Variants in UMAD1 observed in about 807,000 individuals in gnomAD.
UMAD1 encodes UBAP1-MVB12-associated (UMA) domain containing 1.
In UMAD1, 8 loss-of-function variants were observed where a neutral mutation model predicts 6.1. The ratio of observed to expected loss-of-function variants is 1.30; its 90% CI spans 0.76 to 2.35. The LOEUF is 2.35. UMAD1 is among the 30% of genes most tolerant of loss of function. UMAD1 has a pLI of 0.00. For missense variants in UMAD1, 130 were observed against 78.4 expected, an observed-to-expected ratio of 1.66 and a Z score of -2.49; for synonymous variants, 56 against 31.4, an observed-to-expected ratio of 1.78 and a Z score of -2.61.
rs59221325 is a variant in UMAD1 at position 7,796,244 on chromosome 7, C to CTTTTTTTTTTTTTTTTT, written c.83-5418_83-5402dup. 1.6e-3 allele frequency among the ~76,000 whole-genome samples: 100 copies of CTTTTTTTTTTTTTTTTT among 63,952 alleles called. 8 individuals are homozygous for CTTTTTTTTTTTTTTTTT. The highest frequency in any genetic ancestry group is 4.6e-3 in the African/African-American group (47 of 10,240). 42.0% of individuals were successfully genotyped at this position (63,952 alleles called of 152,430 possible). A position where few individuals can be genotyped will look rare whatever the true frequency, so the allele number is the denominator to read the frequency against. On this transcript the variant is annotated intron_variant, in intron 2 of 3. Coordinates refer to ENST00000682710, the MANE Select transcript of UMAD1 (RefSeq NM_001302348.2). ...ACTTTGACCCATTTCTATTTTCTTTCTTTTTTTTTTTTTTTTTTTTTTTTG... is the reference window on the plus strand; with the variant it reads ...ACTTTGACCCATTTCTATTTTCTTTCTTTTTTTTTTTTTTTTTTTTTTTTTTTTTTTTTTTTTTTTTG...
intron 3 of UMAD1, among the ~76,000 whole-genome samples, chr7:7,847,500 C>T (rs28614087): frequency 1.3e-5 from 2 of 151,448 alleles, no homozygotes; most frequent in African/African-American, 4.9e-5. Flanking sequence ...TTGAAACCTC[C>T]CCTCCCCAGT....
chr7:7,740,433 A>G (rs181749407), intron 2 of UMAD1, among the ~76,000 whole-genome samples: 2 of 152,364 alleles, frequency 1.3e-5, no homozygotes, highest in Non-Finnish European at 2.9e-5. Flanking sequence ...AAACTGTTAT[A>G]ATTTTAGCTT....
chr7:7,835,284 C>A lies in UMAD1; in HGVS notation c.156+33541C>A, dbSNP rs575067227. Among the ~76,000 whole-genome samples the A allele has an allele frequency of 4.0e-5, 6 of 151,370 alleles. No homozygotes were observed. The South Asian group carries it at 1.2e-3, about 32-fold the overall frequency. On this transcript the variant is annotated intron_variant, in intron 3 of 3. Transcript: ENST00000682710. ...GAAGCAAGATTTGTGACTTAAATTC[C>A]ATTATAGGTTTTATCTTTTATCAAC...
intron 3 of UMAD1, among the ~76,000 whole-genome samples, chr7:7,806,267 T>C (rs6950803): frequency 0.46 from 69,888 of 151,204 alleles, 16,792 homozygotes; most frequent in African/African-American, 0.6. Flanking sequence ...ACTTCCCCCC[T>C]CTAAAATCCC....
chr7:7,820,870 A>G lies in UMAD1; in HGVS notation c.156+19127A>G, dbSNP rs527584196. On this transcript the variant is annotated intron_variant, in intron 3 of 3. Coordinates refer to ENST00000682710, the MANE Select transcript of UMAD1 (RefSeq NM_001302348.2). ...TATTTAGCAAATAGTAAAGATGTGA[A>G]TATTTCACTGAATGTTGGGTGATTT... is the stretch of plus-strand genomic sequence containing the variant. Among the ~76,000 whole-genome samples, 12 of 152,318 alleles carry G rather than the reference A, an allele frequency of 7.9e-5. No homozygotes were observed. In the South Asian group the frequency reaches 2.3e-3, roughly 29 times the overall value.
intron 2 of UMAD1, among the ~76,000 whole-genome samples, chr7:7,796,627 G>A (rs1211029727): frequency 6.6e-6 from 1 of 152,110 alleles, no homozygotes; most frequent in African/African-American, 2.4e-5. Context: ...CTATAGATAG[G>A]ATTCTGGTTT....
chr7:7,673,291 G>A lies in UMAD1; in HGVS notation c.-63-18G>A. ...CAGTTGCATCTGAATTTGACATTGT[G>A]TAATGTTTCTATTTCAGGTAGCAGC... On this transcript the variant is annotated intron_variant, in intron 1 of 3. Transcript: ENST00000682710. 8.5e-7 allele frequency: 1 copy of A among 1,170,336 alleles called. No homozygotes were observed. The allele number at this position is 1,170,336 out of a possible 1,614,324, so 72.5% of individuals were successfully genotyped here. A position where few individuals can be genotyped will look rare whatever the true frequency, so the allele number is the denominator to read the frequency against.
chr7:7,823,502 C>G (rs1490859459), intron 3 of UMAD1, among the ~76,000 whole-genome samples: 1 of 152,056 alleles, frequency 6.6e-6, no homozygotes, highest in South Asian at 2.1e-4. Context: ...GTTTGGCCCT[C>G]CTGCACTCCG....
At position 7,748,532 on chromosome 7, in the gene UMAD1, T is replaced by C. The variant is rs139983967; in HGVS notation, c.83-53138T>C. Among the ~76,000 whole-genome samples, 1,118 of 152,106 alleles carry C rather than the reference T, an allele frequency of 7.4e-3. 9 individuals carry two copies. The highest frequency in any genetic ancestry group is 0.024 in the African/African-American group (1,014 of 41,520). On this transcript the variant is annotated intron_variant, in intron 2 of 3. Coordinates refer to ENST00000682710, the MANE Select transcript of UMAD1 (RefSeq NM_001302348.2). ...GAGCTGCTGTAATTTTTTGAGGGGA[T>C]CAAGTGAGGAAGGACTTATTTTTGG...
chr7:7,785,910 T>C (rs1782452830), intron 2 of UMAD1, among the ~76,000 whole-genome samples: 1 of 152,252 alleles, frequency 6.6e-6, no homozygotes, highest in Admixed American at 6.5e-5. Context: ...AATATATTTA[T>C]CTGTGTACCT....
rs564798941 is a variant in UMAD1 at position 7,662,870 on chromosome 7, G to T, written c.-63-10439G>T. ...AATAAATTTAAAAGAAAGATATAAT[G>T]ATTTTGTTTCAACATGTAAATATTT... On this transcript the variant is annotated intron_variant, in intron 1 of 3. Transcript: ENST00000682710. 1.2e-3 allele frequency among the ~76,000 whole-genome samples: 183 copies of T among 152,200 alleles called. 4 individuals carry two copies. Among genetic ancestry groups the T allele is most frequent in the Admixed American group, 3.7e-3 (57 of 15,296 alleles).
intron 2 of UMAD1, among the ~76,000 whole-genome samples, chr7:7,713,920 G>A (rs1174950715): frequency 2.6e-5 from 4 of 152,044 alleles, no homozygotes; most frequent in Non-Finnish European, 1.5e-5. Flanking sequence ...CTGCAGCCTC[G>A]ACCTCCTAGT....
chr7:7,660,007 T>C (rs1280066341), intron 1 of UMAD1, among the ~76,000 whole-genome samples: 1 of 152,228 alleles, frequency 6.6e-6, no homozygotes, highest in Non-Finnish European at 1.5e-5. Flanking sequence ...CATATATATT[T>C]AGGATAGTTA....
intron 2 of UMAD1, among the ~76,000 whole-genome samples, chr7:7,743,434 A>C (rs1368040789): frequency 6.6e-6 from 1 of 152,150 alleles, no homozygotes; most frequent in Non-Finnish European, 1.5e-5. Flanking sequence ...CAAAATTTAT[A>C]AATTATAACA....
intron 2 of UMAD1, among the ~76,000 whole-genome samples, chr7:7,754,520 T>C (rs1365640058): frequency 2.0e-5 from 3 of 152,198 alleles, no homozygotes; most frequent in African/African-American, 4.8e-5. Flanking sequence ...CCGCATCAAA[T>C]GGGTAGCTTT....
At chr7:7,762,410 A>G (rs905777459) in intron 2 of UMAD1, among the ~76,000 whole-genome samples, 1 of 152,128 alleles carries the variant, frequency 6.6e-6, no homozygotes, top group Non-Finnish European at 1.5e-5. Context: ...CATTCTTACC[A>G]CCACTACCAC....
chr7:7,670,267 A>G (rs1179002988), intron 1 of UMAD1, among the ~76,000 whole-genome samples: 3 of 152,226 alleles, frequency 2.0e-5, no homozygotes, highest in Admixed American at 2.0e-4. Flanking sequence ...GTGGCCAGAC[A>G]TCAAAAGGCA....
intron 1 of UMAD1, among the ~76,000 whole-genome samples, chr7:7,664,550 T>C (rs1779389418): frequency 6.6e-6 from 1 of 152,210 alleles, no homozygotes; most frequent in African/African-American, 2.4e-5. Flanking sequence ...TTCCTTCCTC[T>C]AGTGAGGTTA....
intron 2 of UMAD1, among the ~76,000 whole-genome samples, chr7:7,753,502 C>T (rs942733351): frequency 6.6e-6 from 1 of 152,148 alleles, no homozygotes; most frequent in Non-Finnish European, 1.5e-5. Flanking sequence ...TGAGATCCCA[C>T]GAATAAGTGA....
Sources: gnomAD v4.1 joint callset for allele counts (sites outside exome capture counted in the v4.1 genomes callset) on GRCh38, gnomAD v4.1.1 for gene constraint, MANE v1.5 for transcripts, NCBI Gene and HGNC (gene_info 2026-07-23, HGNC 2026-07-21) for gene names.